LILRB5: variants seen among roughly 807,000 people sequenced by gnomAD.
LILRB5 encodes the protein leukocyte immunoglobulin like receptor B5, also known as leukocyte immunoglobulin-like receptor subfamily B member 5.
A neutral mutation model predicts 68.4 loss-of-function variants in LILRB5; 61 were observed. The ratio of observed to expected loss-of-function variants is 0.89; its 90% confidence interval spans 0.73 to 1.10. LILRB5 has a LOEUF of 1.10. LILRB5 is among the 50% of genes least tolerant of loss of function. The pLI is 0.00. For synonymous variants in LILRB5, 356 were observed against 315.8 expected (o/e 1.13, Z -1.35); for missense variants, 771 against 751.6 (o/e 1.03, Z -0.30).
At position 54,253,737 on chromosome 19, in the gene LILRB5, G is replaced by A. The variant is rs527978955; in HGVS notation, c.1357+281C>T. 1.1e-5 allele frequency: 13 copies of A among 1,154,262 alleles called. No homozygotes were observed. In the East Asian group the frequency reaches 2.1e-4, roughly 18 times the overall value. 71.5% of individuals were successfully genotyped at this position (1,154,262 alleles called of 1,614,324 possible). ...CAGCCCTTGTTCTCTGCACCTGAGC[G>A]GAGCCCCGGAGCTGCAGGGAAAGAG... On this transcript the variant is annotated intron_variant, in intron 8 of 12. Coordinates refer to ENST00000449561, the MANE Select transcript of LILRB5 (RefSeq NM_001081442.3).
chr19:54,254,618 G>C, intron 6 of LILRB5, 117 bp downstream of exon 6: 1 of 1,362,456 alleles, frequency 7.3e-7, no homozygotes, highest in Non-Finnish European at 1.0e-6. Context: ...CCCTCTGGCT[G>C]AGCCCCCCTC....
At position 54,250,037 on chromosome 19, in the gene LILRB5, A is replaced by G. The variant is rs2078896935; in HGVS notation, c.*749T>C. On this transcript the variant is annotated 3_prime_UTR_variant, in exon 13 of 13. Coordinates refer to ENST00000449561, the MANE Select transcript of LILRB5 (RefSeq NM_001081442.3). ...ATAGAGCGAGACTCCGTCTCAAAAA[A>G]CAAAACAAAACAAAACAAAAACCCT... 2 of 152,544 alleles carry G rather than the reference A, an allele frequency of 1.3e-5. No homozygotes were observed. Among genetic ancestry groups the G allele is most frequent in the South Asian group, 4.1e-4 (2 of 4,844 alleles). 9.4% of individuals were successfully genotyped at this position (152,544 alleles called of 1,614,324 possible). A position where few individuals can be genotyped will look rare whatever the true frequency, so the allele number is the denominator to read the frequency against.
Position 54,256,527 on chromosome 19 carries a change from C to CAGCCT in LILRB5, c.312_316dup (p.Trp106Ter), listed in dbSNP as rs753348650. Reference sequence around the variant, plus strand: ...CTCCAGGGGGTCACTGGGCTCTGACCAGCCTGCAGGGGTCTCATAGTAGCA... The same window carrying CAGCCT: ...CTCCAGGGGGTCACTGGGCTCTGACCAGCCTAGCCTGCAGGGGTCTCATAGTAGCA... On this transcript the variant is annotated stop_gained and frameshift_variant, in exon 3 of 13. Transcript: ENST00000449561. LOFTEE classifies it high-confidence loss of function. The CAGCCT allele has an allele frequency of 9.9e-6, 16 of 1,614,014 alleles. No homozygotes were observed. The highest frequency in any genetic ancestry group is 1.6e-4 in the Middle Eastern group (1 of 6,084).
In LILRB5 at chr19:54,252,500, C is replaced by G; in HGVS notation, c.1524G>C (p.Gln508His). The change falls in exon 10 of 13, where the codon CAG becomes CAC. Residue 508 changes from glutamine (Q) to histidine (H), a missense_variant. Physicochemically the swap from Gln to His is conservative, Grantham distance 24 (BLOSUM62 0). Coordinates refer to ENST00000449561, the MANE Select transcript of LILRB5 (RefSeq NM_001081442.3). The stretch of plus-strand genomic sequence containing the variant: ...TGCAGAATTACCTCTTCTGCAGGCC[C>G]TGGTCCTTGGGCTCTGGCCCCGCAG... ...AGAAGPEPKD[Q>H]GLQKRASPVA... 1.2e-6 allele frequency: 2 copies of G among 1,614,154 alleles called. No individual in the cohort carries two copies. Among genetic ancestry groups the G allele is most frequent in the Non-Finnish European group, 1.7e-6 (2 of 1,180,028 alleles).
At position 54,250,789 on chromosome 19, in the gene LILRB5, G is replaced by A. The variant is rs775372310; in HGVS notation, c.1773C>T (p.His591=). The change falls in exon 13 of 13, where the codon CAC becomes CAT. Residue 591 remains histidine, a synonymous_variant. Coordinates refer to ENST00000449561, the MANE Select transcript of LILRB5 (RefSeq NM_001081442.3). ...TGAGATCTGGGTCCCCCGTGGGCTAGTGGATGGCCAGGGGGGCGTAGATGC... is the reference window on the plus strand; with the variant it reads ...TGAGATCTGGGTCCCCCGTGGGCTAATGGATGGCCAGGGGGGCGTAGATGC... ...EPSIYAPLAI[H] The A allele has an allele frequency of 8.7e-6, 14 of 1,613,972 alleles. No homozygotes were observed. Among genetic ancestry groups the A allele is most frequent in the African/African-American group, 1.3e-5 (1 of 74,904 alleles).
In LILRB5 at chr19:54,254,924, T is replaced by C; in HGVS notation, c.1066A>G (p.Thr356Ala). 1 of 1,613,636 alleles carries C rather than the reference T, an allele frequency of 6.2e-7. No individual in the cohort carries two copies. Among genetic ancestry groups the C allele is most frequent in the Non-Finnish European group, 8.5e-7 (1 of 1,179,840 alleles). The change falls in exon 6 of 13, where the codon ACC (threonine) becomes GCC (alanine). Residue 356 changes from threonine to alanine, a missense_variant. Transcript: ENST00000449561. ...GGGGGATGGGCTGCCCCCTCCTTGG[T>C]CAAAAAGAAAGTGTCTATCTGATGC... Reference protein sequence around the residue: ...SWHQIDTFFLTKEGAAHPPLC... With the variant: ...SWHQIDTFFLAKEGAAHPPLC...
chr19:54,257,000 G>A lies in LILRB5; in HGVS notation c.35-4C>T, dbSNP rs372835525. ...GTCCTGGGGCCCACACTCAGCCCTG[G>A]AAGAGAGTTCCCTGTGAGGGATTTG... On this transcript the variant is annotated splice_polypyrimidine_tract_variant and splice_region_variant and intron_variant, in intron 1 of 12. Coordinates refer to ENST00000449561, the MANE Select transcript of LILRB5 (RefSeq NM_001081442.3). The A allele has an allele frequency of 1.9e-6, 3 of 1,614,102 alleles. No individual in the cohort carries two copies. The African/African-American group carries it at 4.0e-5, about 22-fold the overall frequency.
Position 54,256,146 on chromosome 19 carries a change from G to T in LILRB5, c.552C>A (p.Pro184=). 1 of 1,611,040 alleles carries T rather than the reference G, an allele frequency of 6.2e-7. No individual in the cohort carries two copies. Among genetic ancestry groups the T allele is most frequent in the Non-Finnish European group, 8.5e-7 (1 of 1,178,834 alleles). Residue 184 remains proline, a synonymous_variant, in exon 4 of 13, where the codon CCC becomes CCA. Transcript: ENST00000449561. Reference sequence around the variant, plus strand: ...ACCTCCACCTGCAGCTGGGGGTCACGGGACCCACAGGGAACAGGGCCTGGG... The same window carrying T: ...ACCTCCACCTGCAGCTGGGGGTCACTGGACCCACAGGGAACAGGGCCTGGG... ...GPSQALFPVG[P]VTPSCRWRFR... is the part of the protein sequence containing the mutation.
At chr19:54,255,915 C>A in intron 4 of LILRB5, 128 bp downstream of exon 4, 1 of 807,974 alleles carries the variant, frequency 1.2e-6, no homozygotes, top group Non-Finnish European at 1.9e-6. Flanking sequence ...GTGGGGTCTT[C>A]CTCACGCCTT....
rs182599532 is a variant in LILRB5 at position 54,252,297 on chromosome 19, C to T, written c.1576+69G>A. On this transcript the variant is annotated intron_variant, in intron 11 of 12. Coordinates refer to ENST00000449561, the MANE Select transcript of LILRB5 (RefSeq NM_001081442.3). ...AGACCCCCCCCAGCCTGTGCTCCTG[C>T]CCCCATTGCTACAGAAACTTTGGTG... is the stretch of plus-strand genomic sequence containing the variant. 6.4e-5 allele frequency: 99 copies of T among 1,536,682 alleles called. No individual in the cohort carries two copies. In the East Asian group the frequency reaches 1.7e-3, roughly 26 times the overall value.
intron 8 of LILRB5, 67 bp downstream of exon 8, chr19:54,253,951 C>A: frequency 6.4e-7 from 1 of 1,554,182 alleles, no homozygotes; most frequent in Non-Finnish European, 8.7e-7. Context: ...GAGCCTGAAC[C>A]TACGACAGAA....
chr19:54,254,829 T>G lies in LILRB5; in HGVS notation c.1161A>C (p.Ser387=), dbSNP rs111371966. 3.7e-6 allele frequency: 6 copies of G among 1,613,730 alleles called. No individual in the cohort carries two copies. The highest frequency in any genetic ancestry group is 1.3e-5 in the African/African-American group (1 of 74,970). ...AGCATCGGTAGGTTCCACCCTGGGCTGAGGTCACAGGACTCATGGAGAATT... is the reference window on the plus strand; with the variant it reads ...AGCATCGGTAGGTTCCACCCTGGGCGGAGGTCACAGGACTCATGGAGAATT... The part of the protein sequence containing the change: ...QAEFSMSPVT[S]AQGGTYRCYS... Residue 387 remains serine (S), a synonymous_variant, in exon 6 of 13, where the codon TCA becomes TCC. Coordinates refer to ENST00000449561, the MANE Select transcript of LILRB5 (RefSeq NM_001081442.3).
At chr19:54,252,327 C>G (rs759653236) in intron 11 of LILRB5, 39 bp downstream of exon 11, 3 of 1,610,246 alleles carry the variant, frequency 1.9e-6, no homozygotes, top group Non-Finnish European at 2.5e-6. Flanking sequence ...TTGGTGCTCC[C>G]TTGCCCACCC....
In LILRB5 at chr19:54,254,745, G is replaced by C. The variant is rs146055681; in HGVS notation, c.1245C>G (p.Leu415=). ...LLSSPSYPQE[L]VVSGPSGDPS... ...GGTCAGGGCCCTCACCTGAGACCAC[G>C]AGCTCCTGGGGGTAACTAGGGCTGG... Residue 415 remains leucine, a synonymous_variant, in exon 6 of 13, where the codon CTC becomes CTG. Coordinates refer to ENST00000449561, the MANE Select transcript of LILRB5 (RefSeq NM_001081442.3). 2.5e-6 allele frequency: 4 copies of C among 1,613,902 alleles called. No individual in the cohort carries two copies. Among genetic ancestry groups the C allele is most frequent in the Admixed American group, 1.7e-5 (1 of 59,998 alleles).
At chr19:54,254,144 G>A in intron 7 of LILRB5, 76 bp from the exon 8 acceptor site, 1 of 1,545,638 alleles carries the variant, frequency 6.5e-7, no homozygotes, top group Non-Finnish European at 8.7e-7. Flanking sequence ...CCCCCAGGCT[G>A]GGCCCCAACA....
chr19:54,250,563 T>C lies in LILRB5; in HGVS notation c.*223A>G. The stretch of plus-strand genomic sequence containing the variant: ...TTCTGTTTCAGTTTTCTCAGCTCAT[T>C]GATTTATTGAGAAGTCTGTGGCTTC... On this transcript the variant is annotated 3_prime_UTR_variant, in exon 13 of 13. Coordinates refer to ENST00000449561, the MANE Select transcript of LILRB5 (RefSeq NM_001081442.3). 1 of 556,880 alleles carries C rather than the reference T, an allele frequency of 1.8e-6. No individual in the cohort carries two copies. The highest frequency in any genetic ancestry group is 3.1e-6 in the Non-Finnish European group (1 of 318,346). The allele number at this position is 556,880 out of a possible 1,614,324, so 34.5% of individuals were successfully genotyped here.
chr19:54,255,192 C>T (rs1009658597), intron 5 of LILRB5, 94 bp downstream of exon 5: 14 of 1,518,558 alleles, frequency 9.2e-6, no homozygotes, highest in Admixed American at 4.0e-5. Flanking sequence ...CTTGGGACCA[C>T]CCCCCCGCCT....
chr19:54,257,056 C>T, intron 1 of LILRB5, 60 bp from the exon 2 acceptor site: 6 of 1,614,052 alleles, frequency 3.7e-6, no homozygotes, highest in Non-Finnish European at 5.1e-6. Flanking sequence ...TCCTCTCCTC[C>T]CTCGGAGCCT....
Position 54,252,049 on chromosome 19 carries a change from C to T in LILRB5, c.1629+5G>A. 1 of 1,613,588 alleles carries T rather than the reference C, an allele frequency of 6.2e-7. No homozygotes were observed. The highest frequency in any genetic ancestry group is 8.5e-7 in the Non-Finnish European group (1 of 1,179,832). ...TTGGTGCCCGGGACAGGGGCGGGGC[C>T]TCACCGGAGCATCCATCTCCACCCC... On this transcript the variant is annotated splice_donor_5th_base_variant and intron_variant, in intron 12 of 12. Coordinates refer to ENST00000449561, the MANE Select transcript of LILRB5 (RefSeq NM_001081442.3).
Sources: gnomAD v4.1 joint callset for allele counts on GRCh38, gnomAD v4.1.1 for gene constraint, MANE v1.5 for transcripts, NCBI Gene and HGNC (gene_info 2026-07-23, HGNC 2026-07-21) for gene names.